Variants in PELP1 observed in about 807,000 individuals in gnomAD.
PELP1 encodes proline-, glutamic acid- and leucine-rich protein 1.
PELP1 carries 32 observed loss-of-function variants against 95.5 expected under a neutral mutation model. The observed-to-expected ratio is 0.34, with a 90% CI of 0.25 to 0.45. PELP1 has a LOEUF of 0.45. Among genes scored for constraint, PELP1 ranks in the 20% least tolerant of loss-of-function variants. The probability of loss-of-function intolerance (pLI) is 1.00; values close to 1 mark genes in which losing one functional copy is unlikely to be tolerated. For synonymous variants in PELP1, 668 were observed against 600.1 expected (o/e 1.11, Z -1.65); for missense variants, 1,358 against 1,444.8 (o/e 0.94, Z 0.97).
chr17:4,679,495 G>A (rs1471072345), intron 5 of PELP1, among the ~76,000 whole-genome samples: 1 of 152,142 alleles, frequency 6.6e-6, no homozygotes, highest in Non-Finnish European at 1.5e-5. Context: ...CTTCTATCCT[G>A]TTAAGTAACA....
intron 13 of PELP1, 137 bp downstream of exon 13, chr17:4,674,373 G>A (rs558388975): frequency 1.9e-5 from 14 of 727,840 alleles, no homozygotes; most frequent in South Asian, 7.3e-5. Context: ...ATCACTTATC[G>A]CAGTGGACGA....
At chr17:4,695,667 TAAAA>T (rs71147081) in intron 1 of PELP1, among the ~76,000 whole-genome samples, 3,726 of 62,540 alleles carry the variant, frequency 0.06, 187 homozygotes, top group African/African-American at 0.15. Flanking sequence ...CCCTCTCTCT[TAAAA>T]AAAAAAAAAA....
At chr17:4,690,639 T>G (rs1006662377) in intron 3 of PELP1, among the ~76,000 whole-genome samples, 2 of 152,006 alleles carry the variant, frequency 1.3e-5, no homozygotes, top group African/African-American at 2.4e-5. Context: ...GGAGAATCAT[T>G]CGAACCCAAG....
chr17:4,688,331 C>T (rs1912977456), intron 3 of PELP1, among the ~76,000 whole-genome samples: 2 of 151,092 alleles, frequency 1.3e-5, no homozygotes, highest in South Asian at 2.1e-4. Flanking sequence ...TGAGAGACTC[C>T]ATCTAAAAGA....
intron 5 of PELP1, among the ~76,000 whole-genome samples, chr17:4,681,060 G>C (rs1043564244): frequency 2.0e-5 from 3 of 152,192 alleles, no homozygotes; most frequent in Non-Finnish European, 4.4e-5. Flanking sequence ...TGACAACTGG[G>C]AGGAAGGGGT....
intron 1 of PELP1, among the ~76,000 whole-genome samples, chr17:4,698,657 G>T (rs1198509819): frequency 1.3e-5 from 1 of 76,882 alleles, no homozygotes. Flanking sequence ...AAAAAACAAG[G>T]CAAAACAAAC....
intron 1 of PELP1, among the ~76,000 whole-genome samples, chr17:4,695,286 C>T: frequency 6.6e-6 from 1 of 151,660 alleles, no homozygotes. Flanking sequence ...CACGCCACTG[C>T]ACTCCAGCCT....
chr17:4,695,309 G>A (rs1477426837), intron 1 of PELP1, among the ~76,000 whole-genome samples: 1 of 143,246 alleles, frequency 7.0e-6, no homozygotes, highest in African/African-American at 2.6e-5. Context: ...GCAACAGAGT[G>A]AGACTCCGTC....
At chr17:4,699,029 C>T (rs1264988326) in intron 1 of PELP1, among the ~76,000 whole-genome samples, 1 of 152,110 alleles carries the variant, frequency 6.6e-6, no homozygotes, top group African/African-American at 2.4e-5. Context: ...ATGTTATTCT[C>T]AGAATGATAG....
chr17:4,693,064 T>A (rs1022500660), intron 1 of PELP1, among the ~76,000 whole-genome samples: 16 of 152,178 alleles, frequency 1.1e-4, no homozygotes, highest in Non-Finnish European at 2.2e-4. Context: ...GAACAAGATG[T>A]ATTGATACTC....
chr17:4,674,654 C>T lies in PELP1; in HGVS notation c.1438G>A (p.Gly480Arg), dbSNP rs750166392. The T allele has an allele frequency of 1.3e-6, 2 of 1,598,294 alleles. No individual in the cohort carries two copies. The highest frequency in any genetic ancestry group is 1.7e-6 in the Non-Finnish European group (2 of 1,175,624). Residue 480 changes from glycine (G) to arginine (R), a missense_variant, in exon 13 of 17, where the codon GGG becomes AGG. By Grantham distance (125) the Gly-to-Arg change is moderately radical. Coordinates refer to ENST00000572293, the MANE Select transcript of PELP1 (RefSeq NM_014389.3). ...GTCTGCAAACTCCCATCAGGGCTCC[C>T]CCGCGGGCTACGCAGCTGGAGGCAG... Reference protein sequence around the residue: ...ADALKLRSPRGSPDGSLQTGK... With the variant: ...ADALKLRSPRRSPDGSLQTGK...
At chr17:4,676,238 C>G in intron 7 of PELP1, 76 bp from the exon 8 acceptor site, 1 of 1,591,552 alleles carries the variant, frequency 6.3e-7, no homozygotes. Flanking sequence ...GACGACCTGC[C>G]TGTATTCTAA....
Position 4,675,021 on chromosome 17 carries a change from C to G in PELP1, c.1274+58G>C. On this transcript the variant is annotated intron_variant, in intron 11 of 16. Transcript: ENST00000572293. This position sits in a 1 kb window ranked among gnomAD's most constrained non-coding sequence, Gnocchi z 4.3. ...CAACATGCCAGAAGCCCCAGCCCACCTGCACCCCCTCACCCCCCTCTCCTC... is the reference window on the plus strand; with the variant it reads ...CAACATGCCAGAAGCCCCAGCCCACGTGCACCCCCTCACCCCCCTCTCCTC... 1 of 1,607,308 alleles carries G rather than the reference C, an allele frequency of 6.2e-7. No homozygotes were observed.
intron 3 of PELP1, among the ~76,000 whole-genome samples, chr17:4,684,902 T>C (rs934125097): frequency 1.3e-5 from 2 of 152,148 alleles, no homozygotes; most frequent in Non-Finnish European, 2.9e-5. Context: ...GGTTTCACCA[T>C]GTTGGCCAGA....
At position 4,671,486 on chromosome 17, in the gene PELP1, G is replaced by C. The variant is rs374635953; in HGVS notation, c.3346C>G (p.Pro1116Ala). The change falls in exon 17 of 17, where the codon CCC becomes GCC. Residue 1116 changes from proline to alanine, a missense_variant. Around this residue, in one of 7 missense-constraint regions of PELP1, gnomAD observed 283 missense variants for 284.1 expected, o/e 1.00. Transcript: ENST00000572293. ...AAMLADFIDCPPDDEKPPPPT... is the reference protein window; with the variant it reads ...AAMLADFIDCAPDDEKPPPPT... ...GGTGGTGGCTTCTCATCATCAGGGG[G>C]ACAATCGATGAAGTCGGCCAGCATG... 60 of 1,611,234 alleles carry C rather than the reference G, an allele frequency of 3.7e-5. No homozygotes were observed. In the African/African-American group the frequency reaches 7.3e-4, roughly 20 times the overall value.
At chr17:4,680,990 A>G (rs925488050) in intron 5 of PELP1, among the ~76,000 whole-genome samples, 3 of 152,162 alleles carry the variant, frequency 2.0e-5, no homozygotes, top group African/African-American at 7.2e-5. Context: ...TGACCCACAT[A>G]CACCCTGACC....
Position 4,672,908 on chromosome 17 carries a change from CAGGGCCTGCTGAGGGCAT to C in PELP1, c.2065_2082del (p.Met689_Pro694del). ...GGAGGTCCAGGGCGTGCCGAGGGCA[CAGGGCCTGCTGAGGGCAT>C]GGGGCCTGCTGAAGGCATGGGGCCT... On this transcript the variant is annotated inframe_deletion, in exon 16 of 17. Transcript: ENST00000572293. The C allele has an allele frequency of 2.5e-6, 4 of 1,601,776 alleles. No homozygotes were observed. The highest frequency in any genetic ancestry group is 3.4e-6 in the Non-Finnish European group (4 of 1,169,462).
At chr17:4,683,430 C>A (rs1173329893) in intron 3 of PELP1, among the ~76,000 whole-genome samples, 2 of 151,170 alleles carry the variant, frequency 1.3e-5, no homozygotes, top group South Asian at 2.1e-4. Context: ...CTATGTTAGC[C>A]AGGATGGTCT....
intron 1 of PELP1, among the ~76,000 whole-genome samples, chr17:4,693,598 C>T (rs760722629): frequency 1.6e-4 from 25 of 152,226 alleles, no homozygotes; most frequent in Admixed American, 1.6e-3. Context: ...ACTGCAATAC[C>T]GCCACAGTGG....
Sources: gnomAD v4.1 joint callset for allele counts (sites outside exome capture counted in the v4.1 genomes callset) on GRCh38, gnomAD v4.1.1 for gene constraint, gnomAD v4.1.1 regional missense constraint, Gnocchi (gnomAD v3.1) non-coding constraint, MANE v1.5 for transcripts, NCBI Gene and HGNC (gene_info 2026-07-23, HGNC 2026-07-21) for gene names.